Variants in SYN3 observed in about 807,000 individuals in gnomAD.
SYN3 encodes the protein synapsin III, also known as synapsin-3.
In SYN3, 35 loss-of-function variants were observed where a neutral mutation model predicts 65.8. The ratio of observed to expected loss-of-function variants is 0.53; its 90% CI spans 0.41 to 0.70. The LOEUF (loss-of-function observed/expected upper bound fraction) is 0.70, where lower values mean the gene tolerates loss of function less well. Among genes scored for constraint, SYN3 ranks in the 30% least tolerant of loss-of-function variants. The probability of loss-of-function intolerance (pLI) is 0.00; values close to 1 mark genes in which losing one functional copy is unlikely to be tolerated. For synonymous variants in SYN3, 270 were observed against 292.9 expected (o/e 0.92, Z 0.80); for missense variants, 680 against 749.0 (o/e 0.91, Z 1.08).
At chr22:32,723,620 C>T (rs1448548761) in intron 6 of SYN3, among the ~76,000 whole-genome samples, 1 of 152,204 alleles carries the variant, frequency 6.6e-6, no homozygotes, top group African/African-American at 2.4e-5. Context: ...CTTCCAAGCT[C>T]GATATACCCT....
At chr22:33,047,474 C>T (rs752499027) in intron 1 of SYN3, among the ~76,000 whole-genome samples, 6 of 152,150 alleles carry the variant, frequency 3.9e-5, no homozygotes, top group Non-Finnish European at 7.3e-5. Flanking sequence ...GTCCTAGCCC[C>T]GAACATTTAA....
chr22:32,572,243 C>CTCCTTCCTTCCTTCCTTCCTTCCTTCCTT lies in SYN3; in HGVS notation c.774+24430_774+24431insAAGGAAGGAAGGAAGGAAGGAAGGAAGGA, dbSNP rs796725900. Among the ~76,000 whole-genome samples, 355 of 112,296 alleles carry CTCCTTCCTTCCTTCCTTCCTTCCTTCCTT rather than the reference C, an allele frequency of 3.2e-3. 9 individuals carry two copies. Among genetic ancestry groups the CTCCTTCCTTCCTTCCTTCCTTCCTTCCTT allele is most frequent in the African/African-American group, 0.012 (319 of 26,330 alleles). 73.7% of individuals were successfully genotyped at this position (112,296 alleles called of 152,430 possible). A position where few individuals can be genotyped will look rare whatever the true frequency, so the allele number is the denominator to read the frequency against. ...TTCTGCCCCTGGAGTCAGATTCTGGCTCCTTCCTTCCTTTCCTTCCTTCCT... is the reference window on the plus strand; with the variant it reads ...TTCTGCCCCTGGAGTCAGATTCTGGCTCCTTCCTTCCTTCCTTCCTTCCTTCCTTTCCTTCCTTCCTTTCCTTCCTTCCT... On this transcript the variant is annotated intron_variant, in intron 7 of 13. Coordinates refer to ENST00000358763, the MANE Select transcript of SYN3 (RefSeq NM_003490.4).
intron 13 of SYN3, among the ~76,000 whole-genome samples, chr22:32,517,009 T>TC (rs2057789765): frequency 6.6e-6 from 1 of 152,232 alleles, no homozygotes; most frequent in South Asian, 2.1e-4. Context: ...ACTTGGGACC[T>TC]CTCTTTAGGA....
intron 6 of SYN3, among the ~76,000 whole-genome samples, chr22:32,820,275 T>A (rs964365337): frequency 6.6e-6 from 1 of 150,698 alleles, no homozygotes; most frequent in African/African-American, 2.5e-5. Context: ...TGCGCGTGTG[T>A]GTGTGTGTGT....
intron 4 of SYN3, among the ~76,000 whole-genome samples, chr22:32,922,885 A>C (rs1323776851): frequency 1.3e-5 from 2 of 152,144 alleles, no homozygotes; most frequent in Non-Finnish European, 2.9e-5. Flanking sequence ...AAGCAGAAGG[A>C]ATGGAAGCTG....
chr22:32,650,251 CT>C (rs2060047109), intron 6 of SYN3, among the ~76,000 whole-genome samples: 1 of 109,042 alleles, frequency 9.2e-6, no homozygotes, highest in Non-Finnish European at 1.7e-5. Flanking sequence ...CCCTCCCTCC[CT>C]CCCTCCCTCT....
chr22:32,605,144 C>T (rs1159953364), intron 6 of SYN3, among the ~76,000 whole-genome samples: 3 of 152,042 alleles, frequency 2.0e-5, no homozygotes, highest in Admixed American at 1.3e-4. Flanking sequence ...CCACAAGGCC[C>T]GGCAGACAGT....
At chr22:32,738,393 C>T (rs184979629) in intron 6 of SYN3, among the ~76,000 whole-genome samples, 6 of 152,186 alleles carry the variant, frequency 3.9e-5, no homozygotes, top group Admixed American at 2.0e-4. Flanking sequence ...AGAAACACAG[C>T]GTTCAAAGAG....
In SYN3 at chr22:32,906,623, C is replaced by T. The variant is rs1320462535; in HGVS notation, c.461+24767G>A. Among the ~76,000 whole-genome samples, 6 of 152,298 alleles carry T rather than the reference C, an allele frequency of 3.9e-5. No individual in the cohort carries two copies. In the East Asian group the frequency reaches 1.2e-3, roughly 29 times the overall value. ...TCACCTAGGTTTTAAGTCCTGCATG[C>T]ATTAGGCATTTGTCCTAATGCTCAC... is the stretch of plus-strand genomic sequence containing the variant. On this transcript the variant is annotated intron_variant, in intron 4 of 13. Coordinates refer to ENST00000358763, the MANE Select transcript of SYN3 (RefSeq NM_003490.4).
At chr22:32,556,985 C>T (rs2058512856) in intron 7 of SYN3, among the ~76,000 whole-genome samples, 2 of 151,706 alleles carry the variant, frequency 1.3e-5, no homozygotes, top group African/African-American at 4.8e-5. Context: ...TAAAAAAGTC[C>T]ACACTTTAGG....
chr22:32,807,399 A>ATATT (rs130273), intron 6 of SYN3, among the ~76,000 whole-genome samples: 22,700 of 118,096 alleles, frequency 0.19, 2,459 homozygotes, highest in East Asian at 0.36. Context: ...TATATAATAT[A>ATATT]TATATATTAT....
intron 3 of SYN3, among the ~76,000 whole-genome samples, chr22:32,946,047 T>C (rs2051097976): frequency 6.6e-6 from 1 of 151,538 alleles, no homozygotes; most frequent in Non-Finnish European, 1.5e-5. Flanking sequence ...AAACAACAGG[T>C]GCTGGAGAGG....
Position 33,009,619 on chromosome 22 carries a change from A to G in SYN3, c.-162-2795T>C, listed in dbSNP as rs569206855. 4.4e-4 allele frequency among the ~76,000 whole-genome samples: 67 copies of G among 152,194 alleles called. 2 individuals are homozygous for G. The South Asian group carries it at 0.013, about 30-fold the overall frequency. ...AGTATGGCAGAATAAAACAACTCTT[A>G]AAAAAGTGAATTGTTTATTTGAGAT... On this transcript the variant is annotated intron_variant, in intron 1 of 13. Coordinates refer to ENST00000358763, the MANE Select transcript of SYN3 (RefSeq NM_003490.4).
At chr22:32,807,399 A>ATAATATATATT in intron 6 of SYN3, among the ~76,000 whole-genome samples, 1 of 118,344 alleles carries the variant, frequency 8.4e-6, no homozygotes, top group African/African-American at 3.3e-5. Context: ...TATATAATAT[A>ATAATATATATT]TATATATTAT....
At chr22:32,718,187 G>A (rs904345746) in intron 6 of SYN3, among the ~76,000 whole-genome samples, 1 of 152,048 alleles carries the variant, frequency 6.6e-6, no homozygotes, top group African/African-American at 2.4e-5. Context: ...TACTATGGAG[G>A]GGCCCAGGCT....
At chr22:32,867,074 A>C (rs899065033) in intron 5 of SYN3, among the ~76,000 whole-genome samples, 4 of 152,164 alleles carry the variant, frequency 2.6e-5, no homozygotes, top group Non-Finnish European at 5.9e-5. Context: ...CACAGCTCAT[A>C]AGTGGAGAAG....
At chr22:32,601,651 C>T (rs185263182) in intron 6 of SYN3, among the ~76,000 whole-genome samples, 26 of 152,304 alleles carry the variant, frequency 1.7e-4, no homozygotes, top group African/African-American at 4.3e-4. Context: ...GGCAAGACTC[C>T]GGGCTAGTGC....
At chr22:32,783,018 C>G (rs1016735948) in intron 6 of SYN3, among the ~76,000 whole-genome samples, 5 of 152,194 alleles carry the variant, frequency 3.3e-5, no homozygotes, top group African/African-American at 4.8e-5. Flanking sequence ...ACCTGTTATT[C>G]CCATTAAACG....
chr22:32,822,652 C>T (rs1309539857), intron 6 of SYN3, among the ~76,000 whole-genome samples: 7 of 152,136 alleles, frequency 4.6e-5, no homozygotes, highest in African/African-American at 1.7e-4. Flanking sequence ...GATTATGGTG[C>T]GTTCATACAG....
Sources: gnomAD v4.1 joint callset for allele counts (sites outside exome capture counted in the v4.1 genomes callset) on GRCh38, gnomAD v4.1.1 for gene constraint, MANE v1.5 for transcripts, NCBI Gene and HGNC (gene_info 2026-07-23, HGNC 2026-07-21) for gene names.